LPP: variants seen among roughly 807,000 people sequenced by gnomAD.
LPP encodes the protein LIM domain containing preferred translocation partner in lipoma.
Under a neutral mutation model 60.4 loss-of-function variants are expected in LPP, and 38 were observed. The observed-to-expected ratio is 0.63, with a 90% CI of 0.49 to 0.83. The LOEUF (loss-of-function observed/expected upper bound fraction) is 0.83, where lower values mean the gene tolerates loss of function less well. Ranked by LOEUF, LPP falls within the 40% of genes least tolerant of loss-of-function variation. The probability of loss-of-function intolerance (pLI) is 0.00; values close to 1 mark genes in which losing one functional copy is unlikely to be tolerated. For missense variants in LPP, 902 were observed against 783.6 expected (o/e 1.15, Z -1.80); for synonymous variants, 328 against 290.8 (o/e 1.13, Z -1.30).
At chr3:188,634,191 T>C (rs1848316751) in intron 7 of LPP, among the ~76,000 whole-genome samples, 1 of 152,214 alleles carries the variant, frequency 6.6e-6, no homozygotes, top group South Asian at 2.1e-4. Flanking sequence ...AAATGACCAC[T>C]CTGATATTTT....
intron 3 of LPP, among the ~76,000 whole-genome samples, chr3:188,388,719 A>G (rs868444971): frequency 2.6e-5 from 4 of 152,346 alleles, no homozygotes; most frequent in Middle Eastern, 3.4e-3. Flanking sequence ...AAAAAATAAA[A>G]CTTGCAAAAG....
intron 9 of LPP, among the ~76,000 whole-genome samples, chr3:188,851,100 G>C (rs1211940570): frequency 1.3e-5 from 2 of 152,190 alleles, no homozygotes; most frequent in Non-Finnish European, 2.9e-5. Flanking sequence ...AAGAGAGTGA[G>C]CTGTCCCTGG....
chr3:188,209,311 C>G (rs1734091786), intron 1 of LPP, among the ~76,000 whole-genome samples: 1 of 152,196 alleles, frequency 6.6e-6, no homozygotes, highest in Non-Finnish European at 1.5e-5. Context: ...ACTGGGAAAT[C>G]ATTTAATAAA....
intron 4 of LPP, among the ~76,000 whole-genome samples, chr3:188,480,640 GT>G (rs202107335): frequency 0.01 from 1,548 of 152,234 alleles, 28 homozygotes; most frequent in African/African-American, 0.036. Flanking sequence ...ATGGCATTTT[GT>G]TTTGTTTTGT....
chr3:188,800,493 C>A (rs1746852317), intron 9 of LPP, among the ~76,000 whole-genome samples: 1 of 152,102 alleles, frequency 6.6e-6, no homozygotes, highest in Non-Finnish European at 1.5e-5. Context: ...GATCCGCCCA[C>A]CTTGGCCTCC....
At chr3:188,489,485 C>T (rs1419457874) in intron 5 of LPP, among the ~76,000 whole-genome samples, 1 of 152,166 alleles carries the variant, frequency 6.6e-6, no homozygotes, top group Non-Finnish European at 1.5e-5. Context: ...AATTAAAACA[C>T]AGAGGAAGGA....
chr3:188,785,547 T>TATATAC lies in LPP; in HGVS notation c.1410+25266_1410+25267insTATACA, dbSNP rs1206082559. Among the ~76,000 whole-genome samples the TATATAC allele has an allele frequency of 2.3e-4, 10 of 43,838 alleles. 3 individuals are homozygous for TATATAC. Among genetic ancestry groups the TATATAC allele is most frequent in the Admixed American group, 6.3e-4 (2 of 3,176 alleles). The allele number at this position is 43,838 out of a possible 152,430, so 28.8% of individuals were successfully genotyped here. A position where few individuals can be genotyped will look rare whatever the true frequency, so the allele number is the denominator to read the frequency against. On this transcript the variant is annotated intron_variant, in intron 9 of 11. Transcript: ENST00000617246. ...ATATATATTCCATCATATATATATATACACACACACACACACACACACACA... is the reference window on the plus strand; with the variant it reads ...ATATATATTCCATCATATATATATATATATACACACACACACACACACACACACACA...
Position 188,828,379 on chromosome 3 carries a change from C to T in LPP, c.1411-37821C>T, listed in dbSNP as rs1369472753. The stretch of plus-strand genomic sequence containing the variant: ...CAGCACTTTGGGAGGCCGAGGTGGG[C>T]GGATCACCTGAGGTCAGGAGTTTGA... On this transcript the variant is annotated intron_variant, in intron 9 of 11. Transcript: ENST00000617246. Among the ~76,000 whole-genome samples, 6 of 149,660 alleles carry T rather than the reference C, an allele frequency of 4.0e-5. No individual in the cohort carries two copies. The East Asian group carries it at 9.8e-4, about 25-fold the overall frequency.
chr3:188,776,969 A>G (rs1445308093), intron 9 of LPP, among the ~76,000 whole-genome samples: 2 of 152,028 alleles, frequency 1.3e-5, no homozygotes, highest in Non-Finnish European at 2.9e-5. Context: ...AGGAGAGAAT[A>G]ACGACTCCCA....
intron 3 of LPP, among the ~76,000 whole-genome samples, chr3:188,372,419 A>G (rs1413733338): frequency 1.3e-5 from 2 of 152,192 alleles, no homozygotes; most frequent in African/African-American, 4.8e-5. Flanking sequence ...ACATGAAAAT[A>G]AACAACTGGT....
chr3:188,291,976 C>T (rs1409952835), intron 2 of LPP, among the ~76,000 whole-genome samples: 1 of 152,134 alleles, frequency 6.6e-6, no homozygotes, highest in African/African-American at 2.4e-5. Flanking sequence ...TGTAATATAT[C>T]TTAAAAATGC....
chr3:188,442,917 G>C (rs1794369205), intron 4 of LPP, among the ~76,000 whole-genome samples: 1 of 152,220 alleles, frequency 6.6e-6, no homozygotes, highest in East Asian at 1.9e-4. Flanking sequence ...TGCTGATTGA[G>C]TCCAGGAGTC....
intron 2 of LPP, among the ~76,000 whole-genome samples, chr3:188,297,223 TGTGTA>T (rs780361203): frequency 4.1e-4 from 62 of 152,288 alleles, no homozygotes; most frequent in Admixed American, 1.2e-3. Context: ...CAACAAATCT[TGTGTA>T]ACACTGCCAA....
chr3:188,753,728 T>C (rs556630677), intron 8 of LPP, among the ~76,000 whole-genome samples: 2 of 152,184 alleles, frequency 1.3e-5, no homozygotes, highest in African/African-American at 4.8e-5. Flanking sequence ...CCACTCATCC[T>C]AGTGGCAGTC....
intron 1 of LPP, among the ~76,000 whole-genome samples, chr3:188,223,403 G>A (rs766499650): frequency 4.6e-5 from 7 of 152,100 alleles, no homozygotes; most frequent in Admixed American, 1.3e-4. Context: ...AACTTACCAC[G>A]AAATTGAGAA....
rs556542811 is a variant in LPP, at chr3:188,498,356, C to T, written c.306+13652C>T. On this transcript the variant is annotated intron_variant, in intron 5 of 11. Coordinates refer to ENST00000617246, the MANE Select transcript of LPP (RefSeq NM_001375462.1). ...ACCGCTTCACCAATAACCCCCCATT[C>T]CACTCTCAGCCAGCCCCTGAAACCA... is the stretch of plus-strand genomic sequence containing the variant. Among the ~76,000 whole-genome samples, 35 of 152,262 alleles carry T rather than the reference C, an allele frequency of 2.3e-4. No homozygotes were observed. In the South Asian group the frequency reaches 7.3e-3, roughly 32 times the overall value.
At chr3:188,696,422 C>T (rs1863254981) in intron 7 of LPP, among the ~76,000 whole-genome samples, 1 of 152,072 alleles carries the variant, frequency 6.6e-6, no homozygotes, top group South Asian at 2.1e-4. Flanking sequence ...CACTTGAGGT[C>T]AGGAGTTAGA....
chr3:188,609,299 C>A lies in LPP; in HGVS notation c.568C>A (p.Pro190Thr). 1 of 1,614,124 alleles carries A rather than the reference C, an allele frequency of 6.2e-7. No individual in the cohort carries two copies. The highest frequency in any genetic ancestry group is 8.5e-7 in the Non-Finnish European group (1 of 1,180,018). Residue 190 changes from proline to threonine, a missense_variant, in exon 7 of 12, where the codon CCC (proline) becomes ACC (threonine). Transcript: ENST00000617246. The surrounding 1 kb of genome is among the most constrained non-coding windows in gnomAD (Gnocchi z 6.9). ...LKPQPAPQAG[P>T]IPVAPIGTLK... ...ACCACAGCCTGCACCCCAGGCTGGA[C>A]CCATCCCTGTGGCTCCAATCGGAAC...
At chr3:188,254,402 A>G (rs1040176640) in intron 2 of LPP, among the ~76,000 whole-genome samples, 8 of 152,174 alleles carry the variant, frequency 5.3e-5, no homozygotes, top group African/African-American at 1.7e-4. Flanking sequence ...AACCCCTGTT[A>G]AAAACAGCAA....
Sources: allele counts gnomAD v4.1 joint callset (sites outside exome capture counted in the v4.1 genomes callset), GRCh38; gene constraint gnomAD v4.1.1; non-coding constraint Gnocchi (gnomAD v3.1); transcripts MANE v1.5; gene names NCBI Gene and HGNC (gene_info 2026-07-23, HGNC 2026-07-21).